KCNA6: variants seen among roughly 807,000 people sequenced by gnomAD.
KCNA6 encodes the protein human brain potassium channel-2.
KCNA6 carries 17 observed loss-of-function variants against 29.5 expected under a neutral mutation model. That is an observed-to-expected ratio of 0.58 (90% CI 0.39 to 0.86). The LOEUF (loss-of-function observed/expected upper bound fraction) is 0.86, where lower values mean the gene tolerates loss of function less well. KCNA6 is among the 40% of genes least tolerant of loss of function. The probability of loss-of-function intolerance (pLI) is 0.00; values close to 1 mark genes in which losing one functional copy is unlikely to be tolerated. For synonymous variants in KCNA6, 296 were observed against 304.7 expected (o/e 0.97, Z 0.30); for missense variants, 450 against 703.4 (o/e 0.64, Z 4.07).
chr12:4,848,514 C>CAAA, the KCNA6 span, among the ~76,000 whole-genome samples: 12,269 of 144,760 alleles, frequency 0.085, 644 homozygotes, highest in Non-Finnish European at 0.13. Flanking sequence ...CAGGAGGGAG[C>CAAA]AAAAAAAAAA....
the KCNA6 span, among the ~76,000 whole-genome samples, chr12:4,839,751 A>G: frequency 8.5e-5 from 13 of 152,362 alleles, no homozygotes; most frequent in East Asian, 2.5e-3. Flanking sequence ...TAATAATAAT[A>G]GTCATAGCTA....
the KCNA6 span, among the ~76,000 whole-genome samples, chr12:4,835,934 GTT>G: frequency 0.5 from 68,532 of 137,418 alleles, 16,749 homozygotes; most frequent in Middle Eastern, 0.55. Flanking sequence ...AAAAGTCGCT[GTT>G]TTTTTTTTTT....
At chr12:4,828,739 G>T in the KCNA6 span, among the ~76,000 whole-genome samples, 2 of 152,182 alleles carry the variant, frequency 1.3e-5, no homozygotes, top group African/African-American at 4.8e-5. Context: ...GCCAGTAAGT[G>T]GGGTGGTAGG....
the KCNA6 span, among the ~76,000 whole-genome samples, chr12:4,820,581 A>ACACACACACACACG: frequency 1.8e-4 from 28 of 151,842 alleles, no homozygotes; most frequent in African/African-American, 6.5e-4. Context: ...ACACACACAC[A>ACACACACACACACG]CACACACACA....
chr12:4,842,816 G>T, the KCNA6 span: 1 of 152,206 alleles, frequency 6.6e-6, no homozygotes, highest in South Asian at 2.1e-4. Context: ...ATCAAATGGG[G>T]TAATATGATC....
the KCNA6 span, among the ~76,000 whole-genome samples, chr12:4,848,194 A>G: frequency 3.0e-4 from 46 of 152,224 alleles, no homozygotes; most frequent in African/African-American, 1.1e-3. Flanking sequence ...AGGAGACCTG[A>G]AAAGGTGTGT....
chr12:4,811,501 C>A lies in KCNA6; in HGVS notation c.1460C>A (p.Pro487Gln). The stretch of plus-strand genomic sequence containing the variant: ...CACGTCACTTGTGGGCAGCCTGCGC[C>A]GGACCTGAGGGCAACTGACAACGGA... Residue 487 changes from proline to glutamine, a missense_variant, in exon 1 of 1, where the codon CCG becomes CAG. Transcript: ENST00000280684. The surrounding 1 kb of genome is among the most constrained non-coding windows in gnomAD (Gnocchi z 7.1). 4 of 1,614,188 alleles carry A rather than the reference C, an allele frequency of 2.5e-6. No homozygotes were observed. Among genetic ancestry groups the A allele is most frequent in the Non-Finnish European group, 3.4e-6 (4 of 1,180,030 alleles).
At chr12:4,838,066 A>T in the KCNA6 span, among the ~76,000 whole-genome samples, 2 of 152,146 alleles carry the variant, frequency 1.3e-5, no homozygotes, top group Non-Finnish European at 2.9e-5. Flanking sequence ...TGGGGTGGTT[A>T]TCATCATCTG....
chr12:4,813,332 C>A lies in KCNA6; in HGVS notation c.*1701C>A, dbSNP rs1262574263. The A allele has an allele frequency of 1.2e-5, 2 of 167,036 alleles. No individual in the cohort carries two copies. Among genetic ancestry groups the A allele is most frequent in the African/African-American group, 4.8e-5 (2 of 41,412 alleles). The allele number at this position is 167,036 out of a possible 1,614,324, so 10.3% of individuals were successfully genotyped here. A position where few individuals can be genotyped will look rare whatever the true frequency, so the allele number is the denominator to read the frequency against. ...ATGGGAACATTACTGTCTTCCCCTC[C>A]CTACCTCATGGGGAATGTCTGGGAA... On this transcript the variant is annotated 3_prime_UTR_variant, in exon 1 of 1. Coordinates refer to ENST00000280684, the Ensembl canonical transcript of KCNA6.
At chr12:4,839,939 T>A in the KCNA6 span, among the ~76,000 whole-genome samples, 1 of 150,822 alleles carries the variant, frequency 6.6e-6, no homozygotes, top group African/African-American at 2.4e-5. Flanking sequence ...ACATTCACAA[T>A]TTTTTGTTTC....
chr12:4,818,476 T>C, the KCNA6 span, among the ~76,000 whole-genome samples: 1 of 152,166 alleles, frequency 6.6e-6, no homozygotes, highest in Non-Finnish European at 1.5e-5. Context: ...TAGGGTTGTT[T>C]TGAGGATTAA....
rs778808157 is a variant in KCNA6, at chr12:4,810,094, C to G, written c.53C>G (p.Pro18Arg). The G allele has an allele frequency of 1.3e-6, 2 of 1,567,008 alleles. No individual in the cohort carries two copies. Among genetic ancestry groups the G allele is most frequent in the Non-Finnish European group, 1.7e-6 (2 of 1,159,042 alleles). Residue 18 changes from proline to arginine, a missense_variant, in exon 1 of 1, where the codon CCG (proline) becomes CGG (arginine). Physicochemically the swap from Pro to Arg is moderately radical, Grantham distance 103. Around this residue, in one of 7 missense-constraint regions of KCNA6, gnomAD observed 72 missense variants for 64.2 expected, o/e 1.12. Coordinates refer to ENST00000280684, the Ensembl canonical transcript of KCNA6. The surrounding 1 kb of genome is among the most constrained non-coding windows in gnomAD (Gnocchi z 7.5). ...GCGGCGCCGGGGGAGGTCCGTGGGC[C>G]GGAGGGAGAGCAACAGGATGCGGGA...
downstream of KCNA6, chr12:4,814,592 G>C (rs536430334): frequency 6.0e-6 from 1 of 167,272 alleles, no homozygotes; most frequent in South Asian, 2.1e-4. The surrounding 1 kb of genome is among the most constrained non-coding windows in gnomAD (Gnocchi z 4.6). Flanking sequence ...TGAGCACCAA[G>C]AGAATATGCA....
chr12:4,839,670 C>T, the KCNA6 span, among the ~76,000 whole-genome samples: 5 of 152,242 alleles, frequency 3.3e-5, no homozygotes, highest in East Asian at 9.6e-4. Context: ...ACAAAAGCCA[C>T]CTTGTGGAAA....
At chr12:4,820,790 G>A in the KCNA6 span, among the ~76,000 whole-genome samples, 2 of 152,188 alleles carry the variant, frequency 1.3e-5, no homozygotes, top group East Asian at 3.8e-4. Context: ...ATGACTGAGG[G>A]CTAGTGCAGA....
At chr12:4,817,938 A>T (rs781362657), downstream of KCNA6, among the ~76,000 whole-genome samples, 1 of 152,228 alleles carries the variant, frequency 6.6e-6, no homozygotes, top group Non-Finnish European at 1.5e-5. Context: ...CAAAGGCGAC[A>T]TTTCAAAAGG....
the KCNA6 span, among the ~76,000 whole-genome samples, chr12:4,846,153 C>T: frequency 6.6e-6 from 1 of 152,014 alleles, no homozygotes; most frequent in Non-Finnish European, 1.5e-5. Flanking sequence ...TACATCGAAC[C>T]CCCAGAAAGC....
the KCNA6 span, among the ~76,000 whole-genome samples, chr12:4,827,204 C>CCCTCCTTCCTTCCTT: frequency 0.29 from 35,142 of 119,636 alleles, 5,758 homozygotes; most frequent in East Asian, 0.56. Context: ...TTCCTTCCTT[C>CCCTCCTTCCTTCCTT]CCTCCTTCCT....
chr12:4,818,815 G>T, the KCNA6 span, among the ~76,000 whole-genome samples: 4 of 151,410 alleles, frequency 2.6e-5, no homozygotes, highest in Non-Finnish European at 5.9e-5. Context: ...CTGTGCTTTT[G>T]TTCCCTATGG....
Sources: allele counts gnomAD v4.1 joint callset (sites outside exome capture counted in the v4.1 genomes callset), GRCh38; gene constraint gnomAD v4.1.1; regional missense constraint gnomAD v4.1.1; non-coding constraint Gnocchi (gnomAD v3.1); transcripts MANE v1.5; gene names NCBI Gene and HGNC (gene_info 2026-07-23, HGNC 2026-07-21).